XPR1: variants seen among roughly 807,000 people sequenced by gnomAD.
XPR1 encodes the protein xenotropic and polytropic retrovirus receptor 1.
A neutral mutation model predicts 87.5 loss-of-function variants in XPR1; 28 were observed. That is an observed-to-expected ratio of 0.32 (90% CI 0.24 to 0.44). The LOEUF (loss-of-function observed/expected upper bound fraction) is 0.44. Among genes scored for constraint, XPR1 ranks in the 20% least tolerant of loss-of-function variants. The pLI is 1.00. For missense variants in XPR1, 559 were observed against 862.3 expected, an observed-to-expected ratio of 0.65 and a Z score of 4.41; for synonymous variants, 300 against 306.1, an observed-to-expected ratio of 0.98 and a Z score of 0.21.
chr1:180,816,445 G>A (rs1340253875), intron 7 of XPR1, among the ~76,000 whole-genome samples: 3 of 152,168 alleles, frequency 2.0e-5, no homozygotes, highest in Non-Finnish European at 4.4e-5. Flanking sequence ...CCATGGCCTG[G>A]AGATTGGAAA....
chr1:180,810,491 A>G (rs1246242902), intron 6 of XPR1, among the ~76,000 whole-genome samples: 2 of 152,058 alleles, frequency 1.3e-5, no homozygotes, highest in African/African-American at 4.8e-5. Flanking sequence ...GAAGTGGGGA[A>G]TCACTTGAGT....
chr1:180,722,995 A>G (rs1658224298), intron 2 of XPR1, among the ~76,000 whole-genome samples: 1 of 152,226 alleles, frequency 6.6e-6, no homozygotes, highest in South Asian at 2.1e-4. Flanking sequence ...TGTCCACTAT[A>G]TATTAGGAAT....
intron 2 of XPR1, among the ~76,000 whole-genome samples, chr1:180,721,131 G>C (rs1211673064): frequency 1.3e-5 from 2 of 151,378 alleles, no homozygotes; most frequent in African/African-American, 4.9e-5. Flanking sequence ...TGAGGCAGGA[G>C]AATCGCTTGA....
At chr1:180,671,041 T>C (rs927643657) in intron 1 of XPR1, among the ~76,000 whole-genome samples, 3 of 152,208 alleles carry the variant, frequency 2.0e-5, no homozygotes, top group Non-Finnish European at 4.4e-5. Context: ...GAAGAAATAC[T>C]GAGGTCTCTA....
chr1:180,666,841 A>G lies in XPR1; in HGVS notation c.70-15519A>G, dbSNP rs142009022. On this transcript the variant is annotated intron_variant, in intron 1 of 14. Transcript: ENST00000367590. ...TTTTTCTTGCCTAATTGCCCTGGCT[A>G]GAACTTACATTGAACAGAAATGATG... Among the ~76,000 whole-genome samples the G allele has an allele frequency of 2.0e-5, 3 of 152,130 alleles. No individual in the cohort carries two copies. In the East Asian group the frequency reaches 5.8e-4, roughly 29 times the overall value.
chr1:180,757,241 G>T (rs912362997), intron 2 of XPR1, among the ~76,000 whole-genome samples: 7 of 152,144 alleles, frequency 4.6e-5, no homozygotes, highest in Non-Finnish European at 1.0e-4. Context: ...TTTTTCAAAA[G>T]TATACTAAAT....
chr1:180,655,457 G>T (rs1655424660), intron 1 of XPR1, among the ~76,000 whole-genome samples: 2 of 149,782 alleles, frequency 1.3e-5, no homozygotes, highest in African/African-American at 4.9e-5. Flanking sequence ...CTGAAGTGTG[G>T]TGGTGCGATC....
At chr1:180,664,680 C>G (rs540843025) in intron 1 of XPR1, among the ~76,000 whole-genome samples, 1 of 152,162 alleles carries the variant, frequency 6.6e-6, no homozygotes, top group Non-Finnish European at 1.5e-5. Flanking sequence ...TCCCCCCAGT[C>G]GACTGGCTCT....
chr1:180,825,446 G>A lies in XPR1; in HGVS notation c.1134+102G>A, dbSNP rs377103248. ...GCTAGGTTGTACAACTGCAGAGGCCGTGGTTCACATTATAGTTTATGTGAG... is the reference window on the plus strand; with the variant it reads ...GCTAGGTTGTACAACTGCAGAGGCCATGGTTCACATTATAGTTTATGTGAG... On this transcript the variant is annotated intron_variant, in intron 9 of 14. Coordinates refer to ENST00000367590, the MANE Select transcript of XPR1 (RefSeq NM_004736.4). The A allele has an allele frequency of 7.7e-5, 95 of 1,238,190 alleles. No homozygotes were observed. The Admixed American group carries it at 8.1e-4, about 11-fold the overall frequency. 76.7% of individuals were successfully genotyped at this position (1,238,190 alleles called of 1,614,324 possible).
Position 180,782,128 on chromosome 1 carries a change from T to G in XPR1, c.122-5625T>G, listed in dbSNP as rs1324477802. 6.6e-5 allele frequency among the ~76,000 whole-genome samples: 10 copies of G among 151,468 alleles called. No individual in the cohort carries two copies. The Admixed American group carries it at 6.6e-4, about 10-fold the overall frequency. On this transcript the variant is annotated intron_variant, in intron 2 of 14. Transcript: ENST00000367590. ...CTCTAAGACAGTGTTCTCAAAGTCA[T>G]TCTTTACCTGTTTTTTATTTTTTTT...
chr1:180,835,372 GTAACA>G (rs140430413), intron 10 of XPR1, among the ~76,000 whole-genome samples: 1,543 of 152,238 alleles, frequency 0.01, 30 homozygotes, highest in African/African-American at 0.034. Context: ...GCTGTATAAT[GTAACA>G]TATATACCAG....
chr1:180,794,026 T>C (rs1487892614), intron 3 of XPR1, among the ~76,000 whole-genome samples: 1 of 152,136 alleles, frequency 6.6e-6, no homozygotes, highest in Non-Finnish European at 1.5e-5. Flanking sequence ...AAATTGTAGG[T>C]CACAACCCAA....
chr1:180,875,699 A>T (rs1217608401), intron 13 of XPR1, among the ~76,000 whole-genome samples: 1 of 152,066 alleles, frequency 6.6e-6, no homozygotes. Flanking sequence ...AAGAAAGTAG[A>T]AGTAAATATA....
At chr1:180,702,542 A>C (rs1326414258) in intron 2 of XPR1, among the ~76,000 whole-genome samples, 2 of 152,080 alleles carry the variant, frequency 1.3e-5, no homozygotes, top group Admixed American at 1.3e-4. Context: ...CTTCAAGTTC[A>C]GAAATTCTTT....
chr1:180,709,213 G>A (rs1313439790), intron 2 of XPR1, among the ~76,000 whole-genome samples: 1 of 152,162 alleles, frequency 6.6e-6, no homozygotes, highest in Admixed American at 6.5e-5. Context: ...GCCGTGCCCG[G>A]CCATAAGCAT....
At chr1:180,673,462 A>G (rs1355784278) in intron 1 of XPR1, among the ~76,000 whole-genome samples, 2 of 152,194 alleles carry the variant, frequency 1.3e-5, no homozygotes, top group Non-Finnish European at 2.9e-5. Context: ...AAAATAAAGT[A>G]GGAACATATT....
At chr1:180,673,673 G>C (rs1656264856) in intron 1 of XPR1, among the ~76,000 whole-genome samples, 1 of 152,198 alleles carries the variant, frequency 6.6e-6, no homozygotes, top group Non-Finnish European at 1.5e-5. Flanking sequence ...GTGCACGCAA[G>C]GGATCTAGGT....
chr1:180,824,707 G>T (rs1223027186), intron 7 of XPR1, 46 bp from the exon 8 acceptor site: 29 of 1,463,112 alleles, frequency 2.0e-5, no homozygotes, highest in Non-Finnish European at 2.7e-5. Context: ...TAATTCAAGG[G>T]AAGTTATGAA....
intron 2 of XPR1, among the ~76,000 whole-genome samples, chr1:180,729,168 A>T (rs1218034106): frequency 6.6e-6 from 1 of 152,194 alleles, no homozygotes; most frequent in Non-Finnish European, 1.5e-5. Flanking sequence ...AAAGGACATG[A>T]TCTCATTACT....
Sources: allele counts gnomAD v4.1 joint callset (sites outside exome capture counted in the v4.1 genomes callset), GRCh38; gene constraint gnomAD v4.1.1; transcripts MANE v1.5; gene names NCBI Gene and HGNC (gene_info 2026-07-23, HGNC 2026-07-21).